ZNF362: variants seen among roughly 807,000 people sequenced by gnomAD.
ZNF362 encodes the protein zinc finger protein 362.
ZNF362 carries 11 observed loss-of-function variants against 42.9 expected under a neutral mutation model. The ratio of observed to expected loss-of-function variants is 0.26; its 90% CI spans 0.16 to 0.42. ZNF362 has a LOEUF of 0.42. Ranked by LOEUF, ZNF362 falls within the 20% of genes least tolerant of loss-of-function variation. The pLI is 1.00. For synonymous variants in ZNF362, 255 were observed against 257.3 expected (o/e 0.99, Z 0.09); for missense variants, 362 against 576.2 (o/e 0.63, Z 3.81).
At chr1:33,194,469 C>A in the ZNF362 span, among the ~76,000 whole-genome samples, 2 of 140,248 alleles carry the variant, frequency 1.4e-5, no homozygotes, top group Non-Finnish European at 3.0e-5. Context: ...CTTGGGAAGT[C>A]GAGGCTGCAA....
At chr1:33,132,658 T>C in the ZNF362 span, among the ~76,000 whole-genome samples, 1 of 152,318 alleles carries the variant, frequency 6.6e-6, no homozygotes, top group East Asian at 1.9e-4. Context: ...CTTCTCATAC[T>C]CTGTTGTCAT....
chr1:33,145,956 G>A, the ZNF362 span: 3 of 470,318 alleles, frequency 6.4e-6, no homozygotes, highest in African/African-American at 4.0e-5. Flanking sequence ...TTAGATTTGG[G>A]AACTGAGTGA....
At chr1:33,263,186 A>G (rs1645840976) in intron 1 of ZNF362, among the ~76,000 whole-genome samples, 1 of 152,236 alleles carries the variant, frequency 6.6e-6, no homozygotes, top group East Asian at 1.9e-4. Flanking sequence ...TCTCATACAC[A>G]CCCTTGCATT....
chr1:33,258,547 G>T (rs911435985), intron 1 of ZNF362, among the ~76,000 whole-genome samples: 3 of 152,132 alleles, frequency 2.0e-5, no homozygotes, highest in African/African-American at 7.2e-5. Context: ...TCCAGAGAGA[G>T]GAAGTGACTT....
At chr1:33,159,498 G>A in the ZNF362 span, among the ~76,000 whole-genome samples, 2 of 152,150 alleles carry the variant, frequency 1.3e-5, no homozygotes, top group Non-Finnish European at 2.9e-5. The surrounding 1 kb of genome is among the most constrained non-coding windows in gnomAD (Gnocchi z 4.2). Context: ...TGCTCCTCTA[G>A]TTCAAGCCTC....
the ZNF362 span, among the ~76,000 whole-genome samples, chr1:33,242,710 T>A: frequency 6.6e-6 from 1 of 152,220 alleles, no homozygotes; most frequent in Non-Finnish European, 1.5e-5. Context: ...CCTGTTGTAC[T>A]TGATAAGAAA....
At chr1:33,276,069 C>A (rs370661728) in intron 2 of ZNF362, 31 bp from the exon 3 acceptor site, 5 of 1,613,450 alleles carry the variant, frequency 3.1e-6, no homozygotes, top group Non-Finnish European at 4.2e-6. Context: ...GGAGGGCTCT[C>A]TTCCCGGTGA....
the ZNF362 span, among the ~76,000 whole-genome samples, chr1:33,206,451 T>C: frequency 6.6e-6 from 1 of 152,150 alleles, no homozygotes; most frequent in South Asian, 2.1e-4. Context: ...GAATCTATTA[T>C]AGCTAAGCAT....
the ZNF362 span, among the ~76,000 whole-genome samples, chr1:33,202,675 A>G: frequency 6.6e-6 from 1 of 152,030 alleles, no homozygotes; most frequent in Admixed American, 6.6e-5. Flanking sequence ...AGCATCCCAA[A>G]TCAATCACTA....
the ZNF362 span, among the ~76,000 whole-genome samples, chr1:33,236,550 A>AAAATATAT: frequency 3.3e-4 from 2 of 5,980 alleles, no homozygotes; most frequent in Admixed American, 4.2e-3. Flanking sequence ...AAAAAAAAAA[A>AAAATATAT]ATATATATAT....
chr1:33,221,573 G>C, the ZNF362 span, among the ~76,000 whole-genome samples: 3 of 152,178 alleles, frequency 2.0e-5, no homozygotes, highest in African/African-American at 7.2e-5. Context: ...CTCACAGCTT[G>C]CGCAAGTATA....
chr1:33,229,952 G>T, the ZNF362 span, among the ~76,000 whole-genome samples: 1 of 152,036 alleles, frequency 6.6e-6, no homozygotes, highest in Admixed American at 6.6e-5. Context: ...GATGAAAAAA[G>T]GTGGGATCCC....
the ZNF362 span, among the ~76,000 whole-genome samples, chr1:33,153,283 C>G: frequency 1.3e-5 from 2 of 152,214 alleles, no homozygotes. Flanking sequence ...CCCAGCCAAC[C>G]AGGCTGCTGC....
the ZNF362 span, among the ~76,000 whole-genome samples, chr1:33,232,494 C>T: frequency 5.9e-5 from 9 of 152,174 alleles, no homozygotes; most frequent in Admixed American, 2.0e-4. Context: ...AAACTCCTGA[C>T]AAGTAATCTG....
chr1:33,257,778 C>T (rs1168548333), intron 1 of ZNF362, among the ~76,000 whole-genome samples: 1 of 152,192 alleles, frequency 6.6e-6, no homozygotes, highest in Non-Finnish European at 1.5e-5. Context: ...TGCCCTCGAG[C>T]AGTGTGGAAC....
At chr1:33,275,968 G>A in intron 2 of ZNF362, 132 bp from the exon 3 acceptor site, 1 of 952,150 alleles carries the variant, frequency 1.1e-6, no homozygotes, top group Non-Finnish European at 1.6e-6. Flanking sequence ...CTGCTGTGCT[G>A]TGAGGCTGGG....
rs112679052 is a variant in ZNF362, at chr1:33,293,962, T to C, written c.909-975T>C. ...CTGTATCCCTCCTTCCCGTCACTCA[T>C]GGTCTCCCCATCTTGTTGTTTTTCC... On this transcript the variant is annotated intron_variant, in intron 6 of 8. Transcript: ENST00000539719. Among the ~76,000 whole-genome samples the C allele has an allele frequency of 1.5e-3, 222 of 152,336 alleles. 4 individuals are homozygous for C. Among genetic ancestry groups the C allele is most frequent in the African/African-American group, 4.5e-3 (187 of 41,586 alleles).
At chr1:33,150,358 G>T in the ZNF362 span, among the ~76,000 whole-genome samples, 49 of 152,344 alleles carry the variant, frequency 3.2e-4, no homozygotes, top group South Asian at 1.9e-3. Flanking sequence ...CAATGATGGG[G>T]ACTGTCCCCA....
At chr1:33,219,942 G>T in the ZNF362 span, among the ~76,000 whole-genome samples, 1 of 152,088 alleles carries the variant, frequency 6.6e-6, no homozygotes, top group Admixed American at 6.5e-5. Context: ...CCAGCTCAGG[G>T]CCCCCTACTC....
Sources: gnomAD v4.1 joint callset for allele counts (sites outside exome capture counted in the v4.1 genomes callset) on GRCh38, gnomAD v4.1.1 for gene constraint, Gnocchi (gnomAD v3.1) non-coding constraint, MANE v1.5 for transcripts, NCBI Gene and HGNC (gene_info 2026-07-23, HGNC 2026-07-21) for gene names.